The following NRXN3 variants were observed in gnomAD, a reference collection of about 807,000 sequenced individuals.
NRXN3 encodes the protein neurexin III.
NRXN3 carries 32 observed loss-of-function variants against 137.6 expected under a neutral mutation model. The observed-to-expected ratio is 0.23, with a 90% CI of 0.18 to 0.31. NRXN3 has a LOEUF of 0.31. Among genes scored for constraint, NRXN3 ranks in the 10% least tolerant of loss-of-function variants. The pLI is 1.00. For synonymous variants in NRXN3, 798 were observed against 784.5 expected (o/e 1.02, Z -0.29); for missense variants, 1,574 against 2,062.5 (o/e 0.76, Z 4.59).
At chr14:78,906,124 T>G (rs1003888886) in intron 10 of NRXN3, among the ~76,000 whole-genome samples, 6 of 152,102 alleles carry the variant, frequency 3.9e-5, no homozygotes, top group African/African-American at 1.4e-4. Flanking sequence ...CACAATCATA[T>G]TTTCTCTTAG....
At chr14:79,806,754 AG>A (rs921608355) in intron 20 of NRXN3, among the ~76,000 whole-genome samples, 57 of 150,364 alleles carry the variant, frequency 3.8e-4, no homozygotes, top group African/African-American at 1.4e-3. Context: ...GTCAGAGAAT[AG>A]AATAGTTTTG....
intron 15 of NRXN3, among the ~76,000 whole-genome samples, chr14:78,998,250 T>C (rs571079041): frequency 6.6e-6 from 1 of 152,290 alleles, no homozygotes; most frequent in African/African-American, 2.4e-5. Flanking sequence ...GCCAACCTAT[T>C]CTTTTTTACC....
intron 15 of NRXN3, among the ~76,000 whole-genome samples, chr14:79,434,873 T>C (rs1254239026): frequency 6.6e-6 from 1 of 152,078 alleles, no homozygotes. Context: ...CGGATCTGAG[T>C]CTTTGTACCT....
At chr14:78,851,291 A>G (rs1167438212) in intron 10 of NRXN3, among the ~76,000 whole-genome samples, 1 of 152,124 alleles carries the variant, frequency 6.6e-6, no homozygotes, top group Non-Finnish European at 1.5e-5. Flanking sequence ...TTACGGTATA[A>G]ATACTCCCTC....
At chr14:78,552,979 ATG>A (rs2096706836) in intron 4 of NRXN3, among the ~76,000 whole-genome samples, 1 of 152,204 alleles carries the variant, frequency 6.6e-6, no homozygotes, top group Non-Finnish European at 1.5e-5. Context: ...TCTTGAAACT[ATG>A]TACATCTATT....
At chr14:79,494,315 C>T (rs911398565) in intron 16 of NRXN3, among the ~76,000 whole-genome samples, 7 of 152,108 alleles carry the variant, frequency 4.6e-5, no homozygotes, top group Non-Finnish European at 8.8e-5. Flanking sequence ...TGAGAAATGG[C>T]TACATTTTCA....
chr14:79,076,626 A>C (rs1049632158), intron 15 of NRXN3, among the ~76,000 whole-genome samples: 1 of 152,186 alleles, frequency 6.6e-6, no homozygotes, highest in African/African-American at 2.4e-5. Flanking sequence ...TCTAATCTTG[A>C]AAGTGACATC....
chr14:79,370,338 G>A (rs1278627573), intron 15 of NRXN3, among the ~76,000 whole-genome samples: 1 of 125,642 alleles, frequency 8.0e-6, no homozygotes, highest in African/African-American at 3.0e-5. Context: ...TTTTTTTTGA[G>A]ATGGAGTTTT....
intron 2 of NRXN3, among the ~76,000 whole-genome samples, chr14:78,275,757 G>T (rs910040588): frequency 1.3e-5 from 2 of 152,152 alleles, no homozygotes; most frequent in African/African-American, 4.8e-5. Context: ...GGGAGTGGGG[G>T]TCACCTCTAG....
At chr14:79,445,438 G>A (rs79461893) in intron 15 of NRXN3, among the ~76,000 whole-genome samples, 1,769 of 152,328 alleles carry the variant, frequency 0.012, 32 homozygotes, top group East Asian at 0.097. Flanking sequence ...CATTGAGAGT[G>A]TAGGTGTAAG....
At chr14:78,685,841 CT>C (rs1199653746) in intron 6 of NRXN3, among the ~76,000 whole-genome samples, 1 of 150,102 alleles carries the variant, frequency 6.7e-6, no homozygotes, top group Non-Finnish European at 1.5e-5. Flanking sequence ...TTAGTAAAGC[CT>C]GGGTTTCACA....
rs541131326 is a variant in NRXN3, at chr14:78,265,853, A to G, written c.710-12792A>G. Among the ~76,000 whole-genome samples the G allele has an allele frequency of 5.3e-5, 8 of 152,318 alleles. No individual in the cohort carries two copies. The South Asian group carries it at 1.7e-3, about 32-fold the overall frequency. On this transcript the variant is annotated intron_variant, in intron 2 of 20. Coordinates refer to ENST00000335750, the MANE Select transcript of NRXN3 (RefSeq NM_001330195.2). ...CTCTACAGCACTGATCACAATGATA[A>G]TTAATTAGTTGCTTGTCTGATTATT...
intron 15 of NRXN3, among the ~76,000 whole-genome samples, chr14:79,029,356 T>A (rs2099603638): frequency 1.3e-5 from 2 of 152,174 alleles, no homozygotes; most frequent in Admixed American, 1.3e-4. Flanking sequence ...TCAAACTTAT[T>A]ATTTGCAAAC....
chr14:78,909,268 A>G (rs897519136), intron 10 of NRXN3, among the ~76,000 whole-genome samples: 2 of 152,160 alleles, frequency 1.3e-5, no homozygotes. Flanking sequence ...AATCAAAGCA[A>G]TGGCTACCAA....
intron 15 of NRXN3, among the ~76,000 whole-genome samples, chr14:79,103,919 A>G (rs907116608): frequency 1.3e-5 from 2 of 152,202 alleles, no homozygotes; most frequent in African/African-American, 4.8e-5. Context: ...ATCTGCACAC[A>G]TACATGCACA....
chr14:78,505,442 T>C (rs2153781986), intron 4 of NRXN3, among the ~76,000 whole-genome samples: 1 of 152,198 alleles, frequency 6.6e-6, no homozygotes, highest in South Asian at 2.1e-4. Context: ...GCCTGCTGGG[T>C]GGGATCTATG....
Position 78,243,930 on chromosome 14 carries a change from C to G in NRXN3, c.709+128C>G, listed in dbSNP as rs1284749709. 4.3e-6 allele frequency: 3 copies of G among 693,540 alleles called. No individual in the cohort carries two copies. Among genetic ancestry groups the G allele is most frequent in the Non-Finnish European group, 7.2e-6 (3 of 418,870 alleles). The allele number at this position is 693,540 out of a possible 1,614,324, so 43.0% of individuals were successfully genotyped here. A position where few individuals can be genotyped will look rare whatever the true frequency, so the allele number is the denominator to read the frequency against. ...ATGTTAGATCACTGGGCCCCTTGCCCTAAGGAGGCAGTGGAAATCCTTTGC... is the reference window on the plus strand; with the variant it reads ...ATGTTAGATCACTGGGCCCCTTGCCGTAAGGAGGCAGTGGAAATCCTTTGC... On this transcript the variant is annotated intron_variant, in intron 2 of 20. Transcript: ENST00000335750. The surrounding 1 kb of genome is among the most constrained non-coding windows in gnomAD (Gnocchi z 4.2).
rs149525343 is a variant in NRXN3, at chr14:79,487,606, G to C, written c.3444+20204G>C. Among the ~76,000 whole-genome samples the C allele has an allele frequency of 5.3e-3, 799 of 151,784 alleles. 6 individuals are homozygous for C. The highest frequency in any genetic ancestry group is 0.019 in the African/African-American group (765 of 41,314). On this transcript the variant is annotated intron_variant, in intron 16 of 20. Transcript: ENST00000335750. The stretch of plus-strand genomic sequence containing the variant: ...AAGCATCTCCTCTCTTTGCATGGGG[G>C]ATCTATCCCTCCAGAAGTCTACCCA...
intron 4 of NRXN3, among the ~76,000 whole-genome samples, chr14:78,344,261 T>C (rs214014): frequency 0.81 from 123,012 of 152,134 alleles, 50,956 homozygotes; most frequent in Non-Finnish European, 0.9. Flanking sequence ...AAGCAGCTGG[T>C]GGACAAGACT....
Sources: gnomAD v4.1 joint callset for allele counts (sites outside exome capture counted in the v4.1 genomes callset) on GRCh38, gnomAD v4.1.1 for gene constraint, Gnocchi (gnomAD v3.1) non-coding constraint, MANE v1.5 for transcripts, NCBI Gene and HGNC (gene_info 2026-07-23, HGNC 2026-07-21) for gene names.